Variants in SCN7A observed in about 807,000 individuals in gnomAD.
SCN7A encodes the protein sodium channel protein type 7 subunit alpha.
A neutral mutation model predicts 155.2 loss-of-function variants in SCN7A; 138 were observed. The ratio of observed to expected loss-of-function variants is 0.89; its 90% confidence interval spans 0.77 to 1.02. The LOEUF (loss-of-function observed/expected upper bound fraction) is 1.02. Ranked by LOEUF, SCN7A falls within the 50% of genes least tolerant of loss-of-function variation. The probability of loss-of-function intolerance (pLI) is 0.00; values close to 1 mark genes in which losing one functional copy is unlikely to be tolerated. For synonymous variants in SCN7A, 693 were observed against 649.0 expected (o/e 1.07, Z -1.03); for missense variants, 2,058 against 1,986.6 (o/e 1.04, Z -0.68).
chr2:166,468,448 A>G (rs911574350), intron 7 of SCN7A, among the ~76,000 whole-genome samples: 8 of 152,074 alleles, frequency 5.3e-5, no homozygotes, highest in South Asian at 4.1e-4. Flanking sequence ...TTAAATTTTT[A>G]TAATATTGAC....
chr2:166,457,456 T>C (rs1339029970), intron 10 of SCN7A, among the ~76,000 whole-genome samples: 1 of 152,156 alleles, frequency 6.6e-6, no homozygotes, highest in Admixed American at 6.6e-5. Flanking sequence ...AATCTTTAAA[T>C]ATATGAAGTT....
chr2:166,406,514 G>T lies in SCN7A; in HGVS notation c.4115C>A (p.Pro1372His), dbSNP rs1484675235. Residue 1372 changes from proline (P) to histidine (H), a missense_variant, in exon 26 of 26, where the codon CCT (proline) becomes CAT (histidine). Physicochemically the swap from Pro to His is moderately conservative, Grantham distance 77. Transcript: ENST00000643258. ...TAATGCTGGGAGGGACAGCATCAAAGGAAGCATCAGATTATGAAACACCTT... is the reference window on the plus strand; with the variant it reads ...TAATGCTGGGAGGGACAGCATCAAATGAAGCATCAGATTATGAAACACCTT... ...GPKVFHNLML[P>H]LMLSLPALLN... 6.2e-7 allele frequency: 1 copy of T among 1,612,840 alleles called. No individual in the cohort carries two copies. Among genetic ancestry groups the T allele is most frequent in the East Asian group, 2.2e-5 (1 of 44,836 alleles).
intron 11 of SCN7A, among the ~76,000 whole-genome samples, chr2:166,453,925 C>G (rs1702226649): frequency 6.6e-6 from 1 of 152,064 alleles, no homozygotes; most frequent in Non-Finnish European, 1.5e-5. Flanking sequence ...AATGTATACT[C>G]TTACTTCCTA....
In SCN7A at chr2:166,412,558, A is replaced by G. The variant is rs956350370; in HGVS notation, c.3578T>C (p.Ile1193Thr). 4.7e-6 allele frequency: 7 copies of G among 1,490,938 alleles called. No homozygotes were observed. The African/African-American group carries it at 5.7e-5, about 12-fold the overall frequency. The allele number at this position is 1,490,938 out of a possible 1,614,324, so 92.4% of individuals were successfully genotyped here. A position where few individuals can be genotyped will look rare whatever the true frequency, so the allele number is the denominator to read the frequency against. The change falls in exon 23 of 26, where the codon ATT (isoleucine) becomes ACT (threonine). Residue 1193 changes from isoleucine (I) to threonine (T), a missense_variant. Transcript: ENST00000643258. The stretch of plus-strand genomic sequence containing the variant: ...TATTTTATGCTTGTTGAAATTATCA[A>G]TAATAACAGTAATCAGCATACTCAG... ...LPLSMLITVI[I>T]DNFNKHKIKL...
Position 166,447,656 on chromosome 2 carries a change from G to A in SCN7A, c.1343C>T (p.Thr448Ile), listed in dbSNP as rs1209047079. Residue 448 changes from threonine to isoleucine, a missense_variant, in exon 12 of 26, where the codon ACA (threonine) becomes ATA (isoleucine). Physicochemically the swap from Thr to Ile is moderately conservative, Grantham distance 89. Coordinates refer to ENST00000643258, the MANE Select transcript of SCN7A (RefSeq NM_002976.4). ...MKKRSPISTDTSLDVLEDATL... is the reference protein window; with the variant it reads ...MKKRSPISTDISLDVLEDATL... ...AGCATCTTCCAACACATCCAATGAT[G>A]TGTCTGTGGAAATTGGTGACCTTTT... The A allele has an allele frequency of 1.9e-6, 3 of 1,613,198 alleles. No homozygotes were observed. The highest frequency in any genetic ancestry group is 2.2e-5 in the East Asian group (1 of 44,772).
At position 166,448,415 on chromosome 2, in the gene SCN7A, T is replaced by A. The variant is rs569670080; in HGVS notation, c.1291-707A>T. Among the ~76,000 whole-genome samples, 8 of 152,306 alleles carry A rather than the reference T, an allele frequency of 5.3e-5. No individual in the cohort carries two copies. In the East Asian group the frequency reaches 1.5e-3, roughly 29 times the overall value. On this transcript the variant is annotated intron_variant, in intron 11 of 25. Coordinates refer to ENST00000643258, the MANE Select transcript of SCN7A (RefSeq NM_002976.4). ...ATTGTGAATAATACTGTAATAAACA[T>A]GGGAGTACAGATATTTCTTCAATAT... is the stretch of plus-strand genomic sequence containing the variant.
At chr2:166,419,831 T>A (rs2105386992) in intron 20 of SCN7A, among the ~76,000 whole-genome samples, 1 of 152,312 alleles carries the variant, frequency 6.6e-6, no homozygotes, top group Admixed American at 6.5e-5. Flanking sequence ...TTACAATTAC[T>A]ATTTTAGATT....
At chr2:166,472,235 C>A in intron 6 of SCN7A, 82 bp downstream of exon 6, 2 of 1,369,904 alleles carry the variant, frequency 1.5e-6, no homozygotes, top group South Asian at 3.0e-5. Context: ...AGGCCAAAAT[C>A]TTTGCAGACG....
At position 166,477,626 on chromosome 2, in the gene SCN7A, T is replaced by G; in HGVS notation, c.71A>C (p.His24Pro). 6.2e-7 allele frequency: 1 copy of G among 1,605,774 alleles called. No individual in the cohort carries two copies. The highest frequency in any genetic ancestry group is 8.5e-7 in the Non-Finnish European group (1 of 1,175,372). The change falls in exon 3 of 26, where the codon CAT becomes CCT. Residue 24 changes from histidine (H) to proline (P), a missense_variant. Transcript: ENST00000643258. ...GTCTTCATTATGTGTTTTAGCAATA[T>G]GCTGTTTTATAAGTTCAAAAGACTC... ...TKESFELIKQ[H>P]IAKTHNEDHE...
intron 15 of SCN7A, among the ~76,000 whole-genome samples, chr2:166,437,229 C>T (rs1387505044): frequency 6.6e-6 from 1 of 152,222 alleles, no homozygotes; most frequent in Non-Finnish European, 1.5e-5. Context: ...GCTGTCCCAG[C>T]TGTGGCCAAA....
intron 9 of SCN7A, among the ~76,000 whole-genome samples, chr2:166,463,478 CTTG>C (rs945366490): frequency 1.3e-5 from 2 of 152,136 alleles, no homozygotes; most frequent in African/African-American, 2.4e-5. Context: ...TTGTTGTTGT[CTTG>C]TTGTTTTGGG....
At chr2:166,491,806 G>C (rs986241910) in intron 1 of SCN7A, among the ~76,000 whole-genome samples, 1 of 152,076 alleles carries the variant, frequency 6.6e-6, no homozygotes, top group Non-Finnish European at 1.5e-5. Context: ...TACTGAAAAT[G>C]GTTAGTGGAA....
intron 21 of SCN7A, among the ~76,000 whole-genome samples, chr2:166,413,994 TATATATATAAATATAC>T (rs1427284932): frequency 9.9e-6 from 1 of 101,106 alleles, no homozygotes; most frequent in African/African-American, 3.9e-5. Context: ...TATATATATA[TATATATATAAATATAC>T]TATATATATG....
chr2:166,438,396 T>C lies in SCN7A; in HGVS notation c.2157+3000A>G, dbSNP rs544353220. ...CCTCTTTACTTTATAAATTATCCAG[T>C]GTCAGGTATGTCTTTATTAGCAGCA... On this transcript the variant is annotated intron_variant, in intron 15 of 25. Transcript: ENST00000643258. 2.2e-4 allele frequency among the ~76,000 whole-genome samples: 34 copies of C among 152,288 alleles called. No individual in the cohort carries two copies. The South Asian group carries it at 6.8e-3, about 31-fold the overall frequency.
chr2:166,406,390 A>G lies in SCN7A; in HGVS notation c.4239T>C (p.Asp1413=), dbSNP rs777993516. 31 of 1,612,962 alleles carry G rather than the reference A, an allele frequency of 1.9e-5. No homozygotes were observed. The highest frequency in any genetic ancestry group is 2.4e-5 in the Non-Finnish European group (28 of 1,179,378). The change falls in exon 26 of 26, where the codon GAT becomes GAC. Residue 1413 remains aspartate (D), a synonymous_variant. Transcript: ENST00000643258. ...AYVKKEAGIN[D]VSNFETFGNS... is the part of the protein sequence containing the mutation. ...TGCCAAAGGTTTCAAAATTAGACAC[A>G]TCATTAATTCCAGCTTCTTTTTTAA...
chr2:166,472,561 A>G (rs1271036028), intron 5 of SCN7A, 116 bp from the exon 6 acceptor site: 9 of 861,912 alleles, frequency 1.0e-5, no homozygotes, highest in Admixed American at 2.8e-5. Flanking sequence ...GGAAGGTGAG[A>G]CCAGGTCTAC....
intron 15 of SCN7A, chr2:166,441,069 G>A: frequency 2.6e-6 from 1 of 381,606 alleles, no homozygotes; most frequent in Non-Finnish European, 4.6e-6. Context: ...CTGACCACAG[G>A]CAACTGAAAC....
rs80337701 is a variant in SCN7A, at chr2:166,492,210, C to T, written c.-128+1758G>A. On this transcript the variant is annotated intron_variant, in intron 1 of 25. Coordinates refer to ENST00000643258, the MANE Select transcript of SCN7A (RefSeq NM_002976.4). ...GATATGCAGCAGCAGGTCCAACGGT[C>T]GTGTGCCATCTGGGATCTGATGACC... Among the ~76,000 whole-genome samples, 785 of 152,158 alleles carry T rather than the reference C, an allele frequency of 5.2e-3. 45 individuals are homozygous for T. The East Asian group carries it at 0.12, about 22-fold the overall frequency.
intron 21 of SCN7A, among the ~76,000 whole-genome samples, chr2:166,415,413 TG>T (rs560241952): frequency 8.1e-4 from 123 of 151,924 alleles, no homozygotes; most frequent in African/African-American, 2.8e-3. Flanking sequence ...TCAGTACAGA[TG>T]GGGTTTCACC....
Sources: gnomAD v4.1 joint callset for allele counts (sites outside exome capture counted in the v4.1 genomes callset) on GRCh38, gnomAD v4.1.1 for gene constraint, MANE v1.5 for transcripts, NCBI Gene and HGNC (gene_info 2026-07-23, HGNC 2026-07-21) for gene names.